Variants in AATK observed in about 807,000 individuals in gnomAD.
AATK encodes the protein serine/threonine-protein kinase LMTK1.
AATK carries 91 observed loss-of-function variants against 114.3 expected under a neutral mutation model. The ratio of observed to expected loss-of-function variants is 0.80; its 90% CI spans 0.67 to 0.95. The LOEUF is 0.95. Ranked by LOEUF, AATK falls within the 40% of genes least tolerant of loss-of-function variation. The probability of loss-of-function intolerance (pLI) is 0.00; values close to 1 mark genes in which losing one functional copy is unlikely to be tolerated. For synonymous variants in AATK, 1,075 were observed against 916.5 expected (o/e 1.17, Z -3.12); for missense variants, 2,176 against 1,965.2 (o/e 1.11, Z -2.03).
At chr17:81,148,710 GCA>G (rs141111879) in intron 1 of AATK, among the ~76,000 whole-genome samples, 40 of 150,878 alleles carry the variant, frequency 2.7e-4, no homozygotes, top group African/African-American at 8.6e-4. Flanking sequence ...GCACACACTT[GCA>G]CACACACACA....
In AATK at chr17:81,119,987, T is replaced by G. The variant is rs1204583868; in HGVS notation, c.3832A>C (p.Asn1278His). 2.1e-6 allele frequency: 3 copies of G among 1,446,270 alleles called. No homozygotes were observed. In the African/African-American group the frequency reaches 4.4e-5, roughly 21 times the overall value. The allele number at this position is 1,446,270 out of a possible 1,614,324, so 89.6% of individuals were successfully genotyped here. The change falls in exon 12 of 14, where the codon AAC (asparagine) becomes CAC (histidine). Residue 1278 changes from asparagine to histidine, a missense_variant. Around this residue, in one of 4 missense-constraint regions of AATK, gnomAD observed 1,701 missense variants for 1,394.7 expected, o/e 1.22. Coordinates refer to ENST00000326724, the MANE Select transcript of AATK (RefSeq NM_001080395.3). ...GAGCCATCAGCCTGCTGCGGCCGGT[T>G]GGGGGCGCTGGGAGAGCCGGGGCTC... ...RGSPGSPSAPNRPQQADGSPN... is the reference protein window; with the variant it reads ...RGSPGSPSAPHRPQQADGSPN...
At chr17:81,132,540 C>T (rs1598932487) in intron 2 of AATK, 1 of 178,966 alleles carries the variant, frequency 5.6e-6, no homozygotes, top group Admixed American at 5.8e-5. Flanking sequence ...CAGAAGCCCC[C>T]TCTTGGGCCC....
rs755839232 is a variant in AATK at position 81,120,532 on chromosome 17, C to T, written c.3404G>A (p.Gly1135Asp). Reference sequence around the variant, plus strand: ...GAGTGGGGCTCTGGGGGTGCCTGGGCCCCCCATCCGCTTTTGTGGGGCCGG... The same window carrying T: ...GAGTGGGGCTCTGGGGGTGCCTGGGTCCCCCATCCGCTTTTGTGGGGCCGG... ...SGPAPQKRMG[G>D]PGTPRAPLRL... Residue 1135 changes from glycine (G) to aspartate (D), a missense_variant, in exon 11 of 14, where the codon GGC becomes GAC. Gly to Asp is a moderately conservative substitution (Grantham distance 94). Coordinates refer to ENST00000326724, the MANE Select transcript of AATK (RefSeq NM_001080395.3). 22 of 1,483,528 alleles carry T rather than the reference C, an allele frequency of 1.5e-5. No individual in the cohort carries two copies. Among genetic ancestry groups the T allele is most frequent in the Middle Eastern group, 3.6e-4 (2 of 5,600 alleles). The allele number at this position is 1,483,528 out of a possible 1,614,324, so 91.9% of individuals were successfully genotyped here.
At chr17:81,127,534 G>C (rs1329579004) in intron 6 of AATK, 49 bp downstream of exon 6, 4 of 1,536,268 alleles carry the variant, frequency 2.6e-6, no homozygotes, top group Non-Finnish European at 2.6e-6. Flanking sequence ...GGGCAAGGGA[G>C]GGCCCCGGCT....
rs775634996 is a variant in AATK at position 81,121,913 on chromosome 17, G to A, written c.2023C>T (p.Arg675Cys). Residue 675 changes from arginine to cysteine, a missense_variant, in exon 11 of 14, where the codon CGC becomes TGC. By Grantham distance (180) the Arg-to-Cys change is radical. Coordinates refer to ENST00000326724, the MANE Select transcript of AATK (RefSeq NM_001080395.3). Reference sequence around the variant, plus strand: ...GACACGTTGGAGCGCCAGTGCCCGCGCTGGGCGGCCCTCCGCGCTCCCACC... The same window carrying A: ...GACACGTTGGAGCGCCAGTGCCCGCACTGGGCGGCCCTCCGCGCTCCCACC... ...EEVGARRAAQ[R>C]GHWRSNVSAN... 3 of 1,600,690 alleles carry A rather than the reference G, an allele frequency of 1.9e-6. No homozygotes were observed. The highest frequency in any genetic ancestry group is 2.2e-5 in the East Asian group (1 of 44,844).
chr17:81,164,834 G>A (rs534094109), intron 1 of AATK, among the ~76,000 whole-genome samples: 1 of 152,264 alleles, frequency 6.6e-6, no homozygotes, highest in Non-Finnish European at 1.5e-5. Context: ...GTCACTACAG[G>A]AAGTCATTTC....
At chr17:81,124,604 G>C in intron 9 of AATK, 123 bp downstream of exon 9, 1 of 1,482,706 alleles carries the variant, frequency 6.7e-7, no homozygotes, top group Non-Finnish European at 9.0e-7. Context: ...GGCTGCTGGC[G>C]TGTGGCCACT....
intron 1 of AATK, among the ~76,000 whole-genome samples, chr17:81,153,509 G>A (rs748588797): frequency 1.3e-4 from 20 of 152,274 alleles, no homozygotes; most frequent in Middle Eastern, 3.4e-3. Flanking sequence ...ATGACACCCC[G>A]GAGCGTTCAG....
At chr17:81,165,889 C>CGCA (rs1383758591) in intron 1 of AATK, 49 bp downstream of exon 1, 2 of 1,552,582 alleles carry the variant, frequency 1.3e-6, no homozygotes, top group Non-Finnish European at 1.7e-6. Flanking sequence ...GCATCACGTC[C>CGCA]GCAGCGGAGG....
intron 1 of AATK, among the ~76,000 whole-genome samples, chr17:81,154,076 C>CA (rs988840950): frequency 7.4e-5 from 10 of 135,770 alleles, no homozygotes; most frequent in Non-Finnish European, 1.2e-4. Context: ...AACTCCATCT[C>CA]AAAAAACAAA....
chr17:81,165,971 G>A lies in AATK; in HGVS notation c.22C>T (p.Pro8Ser). 1 of 1,585,690 alleles carries A rather than the reference G, an allele frequency of 6.3e-7. No homozygotes were observed. The highest frequency in any genetic ancestry group is 8.6e-7 in the Non-Finnish European group (1 of 1,167,758). Residue 8 changes from proline (P) to serine (S), a missense_variant, in exon 1 of 14, where the codon CCC (proline) becomes TCC (serine). Around this residue, in one of 4 missense-constraint regions of AATK, gnomAD observed 178 missense variants for 175.4 expected, o/e 1.01. Coordinates refer to ENST00000326724, the MANE Select transcript of AATK (RefSeq NM_001080395.3). Reference protein sequence around the residue: MSSSFFNPSFAFSSHFDP... With the variant: MSSSFFNSSFAFSSHFDP... Reference sequence around the variant, plus strand: ...AAGTGCGAGCTGAAGGCGAAGCTGGGGTTGAAGAAGGACGACGACATGGCC... The same window carrying A: ...AAGTGCGAGCTGAAGGCGAAGCTGGAGTTGAAGAAGGACGACGACATGGCC...
rs879614243 is a variant in AATK at position 81,119,190 on chromosome 17, GA to G, written c.4084+189del. ...GGTGAGGGTCAGGTGAGGGTCAGGTGAGGGCCAGGCGAGGGCCAGGCGGGGT... is the reference window on the plus strand; with the variant it reads ...GGTGAGGGTCAGGTGAGGGTCAGGTGGGGCCAGGCGAGGGCCAGGCGGGGT... On this transcript the variant is annotated intron_variant, in intron 13 of 13. Coordinates refer to ENST00000326724, the MANE Select transcript of AATK (RefSeq NM_001080395.3). Among the ~76,000 whole-genome samples the G allele has an allele frequency of 7.4e-3, 1,010 of 136,420 alleles. 4 individuals carry two copies. The highest frequency in any genetic ancestry group is 0.02 in the Middle Eastern group (5 of 248). The allele number at this position is 136,420 out of a possible 152,430, so 89.5% of individuals were successfully genotyped here.
intron 1 of AATK, among the ~76,000 whole-genome samples, chr17:81,157,744 G>A (rs1167853168): frequency 6.6e-6 from 1 of 152,222 alleles, no homozygotes; most frequent in Non-Finnish European, 1.5e-5. Flanking sequence ...CACCTGGAAT[G>A]CCCCCGGTTC....
At chr17:81,161,401 C>G (rs1567830630) in intron 1 of AATK, among the ~76,000 whole-genome samples, 1 of 152,232 alleles carries the variant, frequency 6.6e-6, no homozygotes, top group South Asian at 2.1e-4. Context: ...CCACCCTACT[C>G]CGGTCCGACC....
At chr17:81,124,893 C>T (rs766794059) in intron 8 of AATK, 37 bp downstream of exon 8, 1 of 1,571,568 alleles carries the variant, frequency 6.4e-7, no homozygotes, top group African/African-American at 1.4e-5. Flanking sequence ...CAGGCCCTGC[C>T]CCTCATGCCC....
intron 13 of AATK, 126 bp from the exon 14 acceptor site, chr17:81,118,568 G>A (rs2060602964): frequency 4.1e-6 from 4 of 983,600 alleles, no homozygotes; most frequent in Non-Finnish European, 6.2e-6. Flanking sequence ...CAGCAGATCT[G>A]GCTGTGTCTA....
chr17:81,148,798 G>A (rs2061256697), intron 1 of AATK, among the ~76,000 whole-genome samples: 1 of 125,796 alleles, frequency 7.9e-6, no homozygotes. Flanking sequence ...ATTCGCATAT[G>A]CACACACTCA....
chr17:81,159,750 G>A (rs1351583955), intron 1 of AATK, among the ~76,000 whole-genome samples: 1 of 152,014 alleles, frequency 6.6e-6, no homozygotes, highest in Non-Finnish European at 1.5e-5. Flanking sequence ...TCCCACAACG[G>A]CCTCAAGCCA....
In AATK at chr17:81,119,391, T is replaced by A. The variant is rs370536151; in HGVS notation, c.4073A>T (p.Glu1358Val). ...CGCCCAGGCCTCACCTCTCTTGGAC[T>A]CGGCGTCCGAGTCAGACACGTGCGT... ...SITHVSDSDA[E>V]SKRGPEAGAG... Residue 1358 changes from glutamate to valine, a missense_variant, in exon 13 of 14, where the codon GAG becomes GTG. Coordinates refer to ENST00000326724, the MANE Select transcript of AATK (RefSeq NM_001080395.3). The A allele has an allele frequency of 3.9e-6, 6 of 1,557,226 alleles. No individual in the cohort carries two copies. In the African/African-American group the frequency reaches 8.7e-5, roughly 23 times the overall value.
Sources: allele counts gnomAD v4.1 joint callset (sites outside exome capture counted in the v4.1 genomes callset), GRCh38; gene constraint gnomAD v4.1.1; regional missense constraint gnomAD v4.1.1; transcripts MANE v1.5; gene names NCBI Gene and HGNC (gene_info 2026-07-23, HGNC 2026-07-21).